Variants in GPHN observed in about 807,000 individuals in gnomAD.
GPHN encodes the protein gephyrin.
A neutral mutation model predicts 95.5 loss-of-function variants in GPHN; 17 were observed. The observed-to-expected ratio is 0.18, with a 90% confidence interval of 0.12 to 0.27. The LOEUF is 0.27. Ranked by LOEUF, GPHN falls within the 10% of genes least tolerant of loss-of-function variation. The probability of loss-of-function intolerance (pLI) is 1.00; values close to 1 mark genes in which losing one functional copy is unlikely to be tolerated. For synonymous variants in GPHN, 320 were observed against 322.5 expected (o/e 0.99, Z 0.08); for missense variants, 660 against 978.1 (o/e 0.67, Z 4.34).
chr14:66,733,013 G>A (rs1419060278), intron 2 of GPHN, among the ~76,000 whole-genome samples: 1 of 152,140 alleles, frequency 6.6e-6, no homozygotes, highest in African/African-American at 2.4e-5. Context: ...TCGGCTCTGG[G>A]TCCCCACCCA....
the GPHN span, among the ~76,000 whole-genome samples, chr14:67,708,357 A>C: frequency 6.6e-6 from 1 of 152,162 alleles, no homozygotes; most frequent in East Asian, 1.9e-4. Flanking sequence ...GAGAGTCCTG[A>C]AAGTTTTTTC....
the GPHN span, among the ~76,000 whole-genome samples, chr14:67,464,333 A>C: frequency 2.6e-5 from 4 of 152,078 alleles, no homozygotes; most frequent in Admixed American, 6.5e-5. Context: ...CCCCATCCTC[A>C]GAATGGGGTT....
At chr14:67,006,148 G>A (rs985907114) in intron 9 of GPHN, among the ~76,000 whole-genome samples, 2 of 151,992 alleles carry the variant, frequency 1.3e-5, no homozygotes, top group East Asian at 1.9e-4. Flanking sequence ...AGCATAAGCA[G>A]CAGCTTGTAG....
At chr14:67,198,882 G>A in the GPHN span, 1 of 673,972 alleles carries the variant, frequency 1.5e-6, no homozygotes, top group Non-Finnish European at 2.7e-6. Context: ...TTCAATGATA[G>A]GGGTCATACC....
At chr14:66,788,805 C>T (rs893668197) in intron 3 of GPHN, among the ~76,000 whole-genome samples, 14 of 152,120 alleles carry the variant, frequency 9.2e-5, no homozygotes, top group African/African-American at 2.4e-4. Context: ...TACAGGCGCC[C>T]GCCACCAGGC....
At chr14:66,819,931 T>C (rs1360755302) in intron 3 of GPHN, among the ~76,000 whole-genome samples, 3 of 152,146 alleles carry the variant, frequency 2.0e-5, no homozygotes. Context: ...TATAGTAGCA[T>C]TTATTTACAC....
the GPHN span, chr14:67,383,645 AT>A: frequency 1.7e-6 from 1 of 596,356 alleles, no homozygotes; most frequent in Non-Finnish European, 2.8e-6. Flanking sequence ...CACTTTGAGC[AT>A]TTTTAAGGGA....
At chr14:67,233,032 A>G in the GPHN span, among the ~76,000 whole-genome samples, 1 of 152,226 alleles carries the variant, frequency 6.6e-6, no homozygotes, top group Non-Finnish European at 1.5e-5. Flanking sequence ...TAGAAAAAAA[A>G]GAAAACAGTA....
the GPHN span, among the ~76,000 whole-genome samples, chr14:67,491,096 T>C: frequency 6.6e-6 from 1 of 152,210 alleles, no homozygotes; most frequent in Non-Finnish European, 1.5e-5. Context: ...TCTGAACAAT[T>C]GGTTACAAAC....
intron 1 of GPHN, among the ~76,000 whole-genome samples, chr14:66,523,771 C>T (rs1470717915): frequency 1.3e-5 from 2 of 152,096 alleles, no homozygotes; most frequent in Non-Finnish European, 2.9e-5. Flanking sequence ...TATTATAATA[C>T]ATTTGAATAT....
chr14:67,587,609 G>A, the GPHN span: 2 of 284,616 alleles, frequency 7.0e-6, no homozygotes. Flanking sequence ...GGGGGGCGGG[G>A]GACACAGTGT....
At chr14:67,627,834 C>A in the GPHN span, among the ~76,000 whole-genome samples, 4 of 152,072 alleles carry the variant, frequency 2.6e-5, no homozygotes, top group Non-Finnish European at 4.4e-5. Context: ...GTCCCATTTC[C>A]CACAAAAAAG....
At chr14:67,671,283 T>G in the GPHN span, among the ~76,000 whole-genome samples, 4 of 152,188 alleles carry the variant, frequency 2.6e-5, no homozygotes, top group African/African-American at 4.8e-5. Context: ...CCTAGCACTT[T>G]GGGAGGCCGT....
chr14:66,610,100 C>T (rs1192991006), intron 1 of GPHN, among the ~76,000 whole-genome samples: 1 of 152,072 alleles, frequency 6.6e-6, no homozygotes, highest in Non-Finnish European at 1.5e-5. Context: ...ACTCAATTGG[C>T]TTCTTTTCTA....
intron 19 of GPHN, among the ~76,000 whole-genome samples, chr14:67,161,910 T>A (rs1237452874): frequency 1.3e-5 from 2 of 152,242 alleles, no homozygotes; most frequent in Admixed American, 6.5e-5. Context: ...ATCTGTTATT[T>A]ACCACTCACT....
intron 4 of GPHN, among the ~76,000 whole-genome samples, chr14:66,864,632 G>T (rs1179669055): frequency 2.6e-5 from 4 of 152,114 alleles, no homozygotes; most frequent in South Asian, 2.1e-4. Context: ...AATTAACCGG[G>T]CATGGTGGCA....
chr14:67,322,383 T>TG, the GPHN span, among the ~76,000 whole-genome samples: 1 of 152,124 alleles, frequency 6.6e-6, no homozygotes, highest in African/African-American at 2.4e-5. Flanking sequence ...TTTAGAAACT[T>TG]GGAGTTTTTA....
intron 5 of GPHN, among the ~76,000 whole-genome samples, chr14:66,901,090 G>T (rs2065108286): frequency 6.6e-6 from 1 of 152,018 alleles, no homozygotes; most frequent in Non-Finnish European, 1.5e-5. Flanking sequence ...ATTTTAACTG[G>T]AGTAAAATGA....
the GPHN span, chr14:67,203,045 A>G: frequency 5.7e-6 from 9 of 1,576,498 alleles, no homozygotes; most frequent in African/African-American, 1.1e-4. Flanking sequence ...AAGGTTGTCA[A>G]AGCCACACAT....
Sources: allele counts gnomAD v4.1 joint callset (sites outside exome capture counted in the v4.1 genomes callset), GRCh38; gene constraint gnomAD v4.1.1; transcripts MANE v1.5; gene names NCBI Gene and HGNC (gene_info 2026-07-23, HGNC 2026-07-21).